DOCK4: variants seen among roughly 807,000 people sequenced by gnomAD.
The protein encoded by DOCK4 is dedicator of cytokinesis protein 4.
In DOCK4, 97 loss-of-function variants were observed where a neutral mutation model predicts 268.1. That is an observed-to-expected ratio of 0.36 (90% CI 0.31 to 0.43). The LOEUF is 0.43. Ranked by LOEUF, DOCK4 falls within the 20% of genes least tolerant of loss-of-function variation. The pLI is 1.00. For synonymous variants in DOCK4, 954 were observed against 887.2 expected (o/e 1.08, Z -1.34); for missense variants, 2,145 against 2,455.7 (o/e 0.87, Z 2.67).
chr7:112,203,173 G>A (rs1587054540), intron 1 of DOCK4, among the ~76,000 whole-genome samples: 4 of 152,348 alleles, frequency 2.6e-5, no homozygotes, highest in African/African-American at 9.6e-5. Context: ...GCTGGCAGCA[G>A]TGTCTAGCCC....
At chr7:111,962,064 A>T (rs184327486) in intron 8 of DOCK4, among the ~76,000 whole-genome samples, 1 of 152,230 alleles carries the variant, frequency 6.6e-6, no homozygotes, top group Admixed American at 6.5e-5. Flanking sequence ...ATATTTTGTC[A>T]TATTTTCTCC....
At chr7:111,994,301 A>T (rs570674700) in intron 4 of DOCK4, 70 bp from the exon 5 acceptor site, 34 of 994,216 alleles carry the variant, frequency 3.4e-5, no homozygotes, top group South Asian at 5.2e-5. Context: ...AAATACTCTA[A>T]AAGATAACTA....
At chr7:112,004,159 A>C (rs370418258) in intron 1 of DOCK4, 28 bp from the exon 2 acceptor site, 833 of 1,512,246 alleles carry the variant, frequency 5.5e-4, no homozygotes, top group Middle Eastern at 1.2e-3. Flanking sequence ...GAATATATGA[A>C]GACAATCATG....
intron 23 of DOCK4, among the ~76,000 whole-genome samples, chr7:111,861,372 A>G (rs1805500643): frequency 6.6e-6 from 1 of 152,220 alleles, no homozygotes; most frequent in Non-Finnish European, 1.5e-5. Context: ...ATTAACTGTG[A>G]TATGTTCATA....
intron 41 of DOCK4, among the ~76,000 whole-genome samples, chr7:111,756,241 T>G (rs1797010558): frequency 6.6e-6 from 1 of 152,012 alleles, no homozygotes; most frequent in Non-Finnish European, 1.5e-5. Flanking sequence ...CCCAGCTACT[T>G]GGGAGGCTGA....
intron 1 of DOCK4, among the ~76,000 whole-genome samples, chr7:112,061,910 T>A (rs1806446078): frequency 6.6e-6 from 1 of 152,212 alleles, no homozygotes; most frequent in Non-Finnish European, 1.5e-5. Context: ...TTTTATTGAC[T>A]GCTTAAACTG....
chr7:111,773,499 A>G (rs1024883719), intron 36 of DOCK4, among the ~76,000 whole-genome samples: 4 of 152,234 alleles, frequency 2.6e-5, no homozygotes, highest in African/African-American at 9.6e-5. Context: ...GGAGTAGCTT[A>G]TCCTCACTTA....
chr7:112,190,999 G>C (rs1819904385), intron 1 of DOCK4, among the ~76,000 whole-genome samples: 1 of 152,294 alleles, frequency 6.6e-6, no homozygotes, highest in African/African-American at 2.4e-5. Flanking sequence ...GGTTTCTCTT[G>C]CTCCTCCAAT....
intron 1 of DOCK4, among the ~76,000 whole-genome samples, chr7:112,140,543 T>C (rs1446025236): frequency 6.6e-6 from 1 of 151,748 alleles, no homozygotes; most frequent in Non-Finnish European, 1.5e-5. Flanking sequence ...TGTAGTGAAT[T>C]CTCAAAATAC....
chr7:111,994,858 T>C (rs1042662254), intron 4 of DOCK4, among the ~76,000 whole-genome samples: 1 of 152,190 alleles, frequency 6.6e-6, no homozygotes, highest in Non-Finnish European at 1.5e-5. Context: ...GATATTTGAA[T>C]ATTCGTTCCA....
At chr7:111,869,369 G>A (rs1408703163) in intron 21 of DOCK4, 2 of 522,196 alleles carry the variant, frequency 3.8e-6, no homozygotes, top group African/African-American at 1.9e-5. Flanking sequence ...ATTCAATCCT[G>A]AACAGTTTCC....
chr7:112,036,338 T>C lies in DOCK4; in HGVS notation c.38-32207A>G, dbSNP rs1198295833. On this transcript the variant is annotated intron_variant, in intron 1 of 52. Transcript: ENST00000428084. ...GGATTAATGGTGAGCACAGAATCCATTTAAATATAGAACTAAGACTAAACA... is the reference window on the plus strand; with the variant it reads ...GGATTAATGGTGAGCACAGAATCCACTTAAATATAGAACTAAGACTAAACA... Among the ~76,000 whole-genome samples, 7 of 152,232 alleles carry C rather than the reference T, an allele frequency of 4.6e-5. No homozygotes were observed. The East Asian group carries it at 1.2e-3, about 25-fold the overall frequency.
At chr7:111,746,543 G>A in intron 43 of DOCK4, 126 bp from the exon 44 acceptor site, 2 of 696,546 alleles carry the variant, frequency 2.9e-6, no homozygotes, top group East Asian at 2.7e-5. Flanking sequence ...TGGGACAGAT[G>A]GGCTGATTAC....
At chr7:111,964,312 A>G (rs1797204868) in intron 8 of DOCK4, among the ~76,000 whole-genome samples, 3 of 87,408 alleles carry the variant, frequency 3.4e-5, no homozygotes, top group African/African-American at 1.5e-4. Flanking sequence ...TTTGAAAAAA[A>G]TTTAGAAGAA....
At chr7:112,151,372 T>A (rs1330151429) in intron 1 of DOCK4, among the ~76,000 whole-genome samples, 1 of 151,902 alleles carries the variant, frequency 6.6e-6, no homozygotes, top group Non-Finnish European at 1.5e-5. Context: ...ATACAGCACC[T>A]AACAAAAAAA....
At chr7:112,185,138 C>G (rs143748570) in intron 1 of DOCK4, among the ~76,000 whole-genome samples, 228 of 152,308 alleles carry the variant, frequency 1.5e-3, no homozygotes, top group African/African-American at 5.2e-3. Flanking sequence ...GCACCCGTTA[C>G]ACACAGCACT....
At chr7:111,813,187 AGT>A (rs1229133686) in intron 27 of DOCK4, among the ~76,000 whole-genome samples, 1 of 152,164 alleles carries the variant, frequency 6.6e-6, no homozygotes, top group African/African-American at 2.4e-5. Context: ...ATGTGTAATG[AGT>A]GTGTGATATG....
rs186851962 is a variant in DOCK4 at position 112,113,326 on chromosome 7, C to A, written c.37+92776G>T. On this transcript the variant is annotated intron_variant, in intron 1 of 52. Transcript: ENST00000428084. ...CTGGGATGAGGAGGAGAGGGCAACT[C>A]TGCACAAGATCAGGGGTTCTGACAC... Among the ~76,000 whole-genome samples, 270 of 152,252 alleles carry A rather than the reference C, an allele frequency of 1.8e-3. 2 individuals are homozygous for A. In the South Asian group the frequency reaches 0.026, roughly 15 times the overall value.
intron 30 of DOCK4, among the ~76,000 whole-genome samples, chr7:111,801,933 C>T (rs1800327582): frequency 6.6e-6 from 1 of 150,856 alleles, no homozygotes; most frequent in Admixed American, 6.6e-5. Context: ...AACCTCCTGA[C>T]CTCATTAACT....
Sources: allele counts gnomAD v4.1 joint callset (sites outside exome capture counted in the v4.1 genomes callset), GRCh38; gene constraint gnomAD v4.1.1; transcripts MANE v1.5; gene names NCBI Gene and HGNC (gene_info 2026-07-23, HGNC 2026-07-21).